Variants in DHODH observed in about 807,000 individuals in gnomAD.
DHODH encodes the protein dihydroorotate dehydrogenase (quinone), mitochondrial.
Under a neutral mutation model 39.7 loss-of-function variants are expected in DHODH, and 30 were observed. That is an observed-to-expected ratio of 0.76 (90% CI 0.57 to 1.02). DHODH has a LOEUF of 1.02. Among genes scored for constraint, DHODH ranks in the 50% least tolerant of loss-of-function variants. The pLI, the probability that DHODH is intolerant of heterozygous loss-of-function variation, is 0.00. For synonymous variants in DHODH, 222 were observed against 213.8 expected, an observed-to-expected ratio of 1.04 and a Z score of -0.34; for missense variants, 531 against 520.8, an observed-to-expected ratio of 1.02 and a Z score of -0.19.
chr16:72,023,817 C>T (rs1279857516), intron 8 of DHODH, among the ~76,000 whole-genome samples, 184 bp downstream of exon 8: 3 of 152,216 alleles, frequency 2.0e-5, no homozygotes, highest in Admixed American at 6.5e-5. Context: ...CCAAGGAGAA[C>T]TGAGGATTAA....
At position 72,027,571 on chromosome 16, in the gene DHODH, A is replaced by AT. The variant is rs2041286644; in HGVS notation, c.*3373dup. Reference sequence around the variant, plus strand: ...GGTGGAAGGGTGTGCAGAATTCCAAATGTTATTTACATCACTCACTCTTGT... The same window carrying AT: ...GGTGGAAGGGTGTGCAGAATTCCAAATTGTTATTTACATCACTCACTCTTGT... On this transcript the variant is annotated 3_prime_UTR_variant, in exon 9 of 9. Coordinates refer to ENST00000219240, the MANE Select transcript of DHODH (RefSeq NM_001361.5). 1 of 152,176 alleles carries AT rather than the reference A, an allele frequency of 6.6e-6. No homozygotes were observed. The highest frequency in any genetic ancestry group is 2.4e-5 in the African/African-American group (1 of 41,424). The allele number at this position is 152,176 out of a possible 1,614,324, so 9.4% of individuals were successfully genotyped here. A position where few individuals can be genotyped will look rare whatever the true frequency, so the allele number is the denominator to read the frequency against.
At chr16:72,010,996 G>T (rs1026291576) in intron 1 of DHODH, among the ~76,000 whole-genome samples, 7 of 151,930 alleles carry the variant, frequency 4.6e-5, no homozygotes, top group Non-Finnish European at 8.8e-5. Context: ...AAAGTGCCGG[G>T]ATTACAAGCA....
chr16:72,020,973 G>A (rs952700378), intron 4 of DHODH, 151 bp from the exon 5 acceptor site: 24 of 756,092 alleles, frequency 3.2e-5, no homozygotes, highest in Admixed American at 5.2e-5. Context: ...GGCCCAGGCC[G>A]CAGTTGAGCA....
At position 72,014,589 on chromosome 16, in the gene DHODH, A is replaced by G. The variant is rs1230625915; in HGVS notation, c.351A>G (p.Ile117Met). The G allele has an allele frequency of 3.7e-6, 6 of 1,614,070 alleles. No homozygotes were observed. Among genetic ancestry groups the G allele is most frequent in the Non-Finnish European group, 5.1e-6 (6 of 1,180,028 alleles). Residue 117 changes from isoleucine to methionine, a missense_variant, in exon 3 of 9, where the codon ATA (isoleucine) becomes ATG (methionine). Physicochemically the swap from Ile to Met is conservative, Grantham distance 10. Transcript: ENST00000219240. ...AGATGGGCTTTGGTTTTGTTGAGAT[A>G]GGAAGTGTGACTCCAAAACCTCAGG... ...LYKMGFGFVE[I>M]GSVTPKPQEG...
intron 3 of DHODH, chr16:72,016,385 G>T (rs1185831269): frequency 6.3e-6 from 1 of 158,702 alleles, no homozygotes; most frequent in Non-Finnish European, 1.4e-5. Flanking sequence ...ATGAAAGAGA[G>T]ATGAGGCTCC....
Position 72,023,225 on chromosome 16 carries a change from G to C in DHODH, c.880G>C (p.Gly294Arg), listed in dbSNP as rs1380456663. 1 of 1,614,230 alleles carries C rather than the reference G, an allele frequency of 6.2e-7. No individual in the cohort carries two copies. The highest frequency in any genetic ancestry group is 1.7e-5 in the Admixed American group (1 of 60,028). The change falls in exon 7 of 9, where the codon GGT becomes CGT. Residue 294 changes from glycine (G) to arginine (R), a missense_variant. Physicochemically the swap from Gly to Arg is moderately radical, Grantham distance 125. Coordinates refer to ENST00000219240, the MANE Select transcript of DHODH (RefSeq NM_001361.5). ...TTVSRPAGLQ[G>R]ALRSETGGLS... ...CGTGAGTCGCCCTGCGGGCCTCCAG[G>C]GTGCCCTGCGCTCTGAAACAGGAGG...
chr16:72,017,954 TTA>T (rs2041161498), intron 4 of DHODH, among the ~76,000 whole-genome samples: 1 of 152,072 alleles, frequency 6.6e-6, no homozygotes, highest in African/African-American at 2.4e-5. Context: ...TTTTGTATTT[TTA>T]GTAGAGACGG....
chr16:72,017,653 T>A (rs1187002674), intron 4 of DHODH, among the ~76,000 whole-genome samples: 2 of 152,186 alleles, frequency 1.3e-5, no homozygotes, highest in Non-Finnish European at 2.9e-5. Flanking sequence ...AGTTCACACC[T>A]GTAATCTCAA....
chr16:72,012,931 C>A (rs1457221119), intron 2 of DHODH, among the ~76,000 whole-genome samples: 3 of 152,186 alleles, frequency 2.0e-5, no homozygotes, highest in Admixed American at 6.5e-5. Context: ...TTTCATGTGA[C>A]CTTCCGGGCT....
intron 8 of DHODH, 63 bp from the exon 9 acceptor site, chr16:72,024,082 C>T: frequency 6.3e-7 from 1 of 1,575,030 alleles, no homozygotes; most frequent in Non-Finnish European, 8.7e-7. Flanking sequence ...ACGTGGGCTT[C>T]CTGTAAGAGC....
chr16:72,022,902 A>G (rs1340743431), intron 6 of DHODH, among the ~76,000 whole-genome samples: 2 of 152,138 alleles, frequency 1.3e-5, no homozygotes, highest in Non-Finnish European at 2.9e-5. Flanking sequence ...CAGACAAGAC[A>G]CTGTAATTGG....
In DHODH at chr16:72,023,151, A is replaced by G. The variant is rs765090375; in HGVS notation, c.820-14A>G. 2.9e-5 allele frequency: 46 copies of G among 1,613,866 alleles called. No homozygotes were observed. The Admixed American group carries it at 3.8e-4, about 13-fold the overall frequency. ...TGCTATGACTCATGGCTTTTTCTCTATCTCGCACTGCAGTTGGGCATCGAT... is the reference window on the plus strand; with the variant it reads ...TGCTATGACTCATGGCTTTTTCTCTGTCTCGCACTGCAGTTGGGCATCGAT... On this transcript the variant is annotated splice_polypyrimidine_tract_variant and intron_variant, in intron 6 of 8. Coordinates refer to ENST00000219240, the MANE Select transcript of DHODH (RefSeq NM_001361.5).
chr16:72,009,718 G>A (rs1196121767), intron 1 of DHODH, among the ~76,000 whole-genome samples: 9 of 151,252 alleles, frequency 6.0e-5, no homozygotes, highest in African/African-American at 2.2e-4. Context: ...GGGTTCAACC[G>A]ATTTTCCTGC....
chr16:72,008,829 G>C (rs766660091), intron 1 of DHODH, 44 bp downstream of exon 1: 8 of 1,552,162 alleles, frequency 5.2e-6, no homozygotes, highest in South Asian at 3.6e-5. Flanking sequence ...ACCAGGGACC[G>C]GGGAGGGCGA....
intron 4 of DHODH, among the ~76,000 whole-genome samples, chr16:72,019,863 C>T (rs1023762836): frequency 4.6e-5 from 7 of 152,152 alleles, no homozygotes; most frequent in South Asian, 2.1e-4. Context: ...AACATTTGGC[C>T]GGGCATGGTG....
chr16:72,024,297 A>G lies in DHODH; in HGVS notation c.*98A>G. 1 of 1,361,336 alleles carries G rather than the reference A, an allele frequency of 7.3e-7. No homozygotes were observed. The highest frequency in any genetic ancestry group is 1.0e-6 in the Non-Finnish European group (1 of 957,334). The allele number at this position is 1,361,336 out of a possible 1,614,324, so 84.3% of individuals were successfully genotyped here. A position where few individuals can be genotyped will look rare whatever the true frequency, so the allele number is the denominator to read the frequency against. ...GAGAGGAGGGACTCCATCTTGAGCCATGTCCCCCAGCCATGGCATGGCTGC... is the reference window on the plus strand; with the variant it reads ...GAGAGGAGGGACTCCATCTTGAGCCGTGTCCCCCAGCCATGGCATGGCTGC... On this transcript the variant is annotated 3_prime_UTR_variant, in exon 9 of 9. Coordinates refer to ENST00000219240, the MANE Select transcript of DHODH (RefSeq NM_001361.5).
At position 72,023,619 on chromosome 16, in the gene DHODH, G is replaced by A; in HGVS notation, c.1119G>A (p.Leu373=). 1.2e-6 allele frequency: 2 copies of A among 1,613,992 alleles called. No individual in the cohort carries two copies. Among genetic ancestry groups the A allele is most frequent in the Non-Finnish European group, 1.7e-6 (2 of 1,180,032 alleles). ...PPVVGKVKRE[L]EALLKEQGFG... Reference sequence around the variant, plus strand: ...TTGTGGGCAAAGTCAAGCGGGAACTGGAGGCCCTTCTGAAGTGAGTGAGGT... The same window carrying A: ...TTGTGGGCAAAGTCAAGCGGGAACTAGAGGCCCTTCTGAAGTGAGTGAGGT... The change falls in exon 8 of 9, where the codon CTG becomes CTA. Residue 373 remains leucine, a synonymous_variant. Transcript: ENST00000219240.
intron 5 of DHODH, among the ~76,000 whole-genome samples, chr16:72,021,628 A>T (rs1328855076): frequency 6.6e-6 from 1 of 152,228 alleles, no homozygotes; most frequent in Non-Finnish European, 1.5e-5. Context: ...TTCATCACCC[A>T]GTACATGTGG....
intron 6 of DHODH, 105 bp from the exon 7 acceptor site, chr16:72,023,060 G>GT (rs2041238359): frequency 9.0e-7 from 1 of 1,106,626 alleles, no homozygotes; most frequent in Non-Finnish European, 1.4e-6. Flanking sequence ...TTTGGGGGCT[G>GT]TAGGTGTGGG....
Sources: gnomAD v4.1 joint callset for allele counts (sites outside exome capture counted in the v4.1 genomes callset) on GRCh38, gnomAD v4.1.1 for gene constraint, MANE v1.5 for transcripts, NCBI Gene and HGNC (gene_info 2026-07-23, HGNC 2026-07-21) for gene names.